The following CNTNAP2 variants were observed in gnomAD, a reference collection of about 807,000 sequenced individuals.
The protein encoded by CNTNAP2 is contactin-associated protein-like 2.
CNTNAP2 carries 98 observed loss-of-function variants against 155.2 expected under a neutral mutation model. The ratio of observed to expected loss-of-function variants is 0.63; its 90% CI spans 0.54 to 0.75. CNTNAP2 has a LOEUF of 0.75. Ranked by LOEUF, CNTNAP2 falls within the 30% of genes least tolerant of loss-of-function variation. The pLI is 0.00. For missense variants in CNTNAP2, 1,727 were observed against 1,688.1 expected, an observed-to-expected ratio of 1.02 and a Z score of -0.40; for synonymous variants, 651 against 631.2, an observed-to-expected ratio of 1.03 and a Z score of -0.47.
chr7:148,083,975 T>C (rs1029903641), intron 15 of CNTNAP2, among the ~76,000 whole-genome samples: 3 of 152,206 alleles, frequency 2.0e-5, no homozygotes, highest in African/African-American at 7.2e-5. Flanking sequence ...GATCTGACAC[T>C]CCGTAGGTGA....
intron 1 of CNTNAP2, among the ~76,000 whole-genome samples, chr7:146,190,236 A>G (rs1041373141): frequency 4.6e-4 from 70 of 152,130 alleles, no homozygotes; most frequent in Non-Finnish European, 1.0e-4. Context: ...GGCTCTGGCC[A>G]TTCTGCAAAC....
At position 146,168,502 on chromosome 7, in the gene CNTNAP2, C is replaced by T. The variant is rs538757162; in HGVS notation, c.97+51529C>T. Among the ~76,000 whole-genome samples, 3 of 152,216 alleles carry T rather than the reference C, an allele frequency of 2.0e-5. No individual in the cohort carries two copies. In the East Asian group the frequency reaches 5.8e-4, roughly 30 times the overall value. ...GTTGAAAGAGATCTTCCCAACCCTG[C>T]CCCTGTATGTACCATCCTTAGATTT... On this transcript the variant is annotated intron_variant, in intron 1 of 23. Coordinates refer to ENST00000361727, the MANE Select transcript of CNTNAP2 (RefSeq NM_014141.6).
At chr7:147,611,563 C>T (rs1450392439) in intron 12 of CNTNAP2, among the ~76,000 whole-genome samples, 1 of 152,202 alleles carries the variant, frequency 6.6e-6, no homozygotes, top group African/African-American at 2.4e-5. Context: ...CCAAATTGTT[C>T]TTCATGTGGG....
chr7:146,202,145 C>A (rs1271097262), intron 1 of CNTNAP2, among the ~76,000 whole-genome samples: 1 of 152,128 alleles, frequency 6.6e-6, no homozygotes, highest in African/African-American at 2.4e-5. Flanking sequence ...GGGCTCACAT[C>A]ACATCATGCC....
chr7:146,952,815 C>T (rs1473302549), intron 3 of CNTNAP2, among the ~76,000 whole-genome samples: 3 of 151,964 alleles, frequency 2.0e-5, no homozygotes, highest in Non-Finnish European at 2.9e-5. Flanking sequence ...CATAAGATCA[C>T]AGAGACAGAA....
At chr7:147,755,363 C>T (rs1291263719) in intron 13 of CNTNAP2, among the ~76,000 whole-genome samples, 1 of 152,168 alleles carries the variant, frequency 6.6e-6, no homozygotes, top group South Asian at 2.1e-4. Context: ...GATCCACCAG[C>T]GTTAATAGCA....
At chr7:147,131,184 A>G (rs191041559) in intron 7 of CNTNAP2, among the ~76,000 whole-genome samples, 56 of 150,902 alleles carry the variant, frequency 3.7e-4, no homozygotes, top group African/African-American at 1.3e-3. Flanking sequence ...ATACATATAC[A>G]TATACCATAC....
intron 8 of CNTNAP2, among the ~76,000 whole-genome samples, chr7:147,160,396 G>A (rs950623970): frequency 1.3e-5 from 2 of 152,022 alleles, no homozygotes; most frequent in Admixed American, 6.6e-5. Flanking sequence ...ATGTTGCTGG[G>A]AGTTTATAAT....
rs1053493992 is a variant in CNTNAP2 at position 146,997,956 on chromosome 7, G to A, written c.403-45951G>A. ...TCTTTTTTTCTTACTCTAGCTAATGGTTTGTCTACTTCATTTATCAATTCA... is the reference window on the plus strand; with the variant it reads ...TCTTTTTTTCTTACTCTAGCTAATGATTTGTCTACTTCATTTATCAATTCA... On this transcript the variant is annotated intron_variant, in intron 3 of 23. Coordinates refer to ENST00000361727, the MANE Select transcript of CNTNAP2 (RefSeq NM_014141.6). 3.9e-5 allele frequency among the ~76,000 whole-genome samples: 6 copies of A among 151,964 alleles called. No individual in the cohort carries two copies. In the East Asian group the frequency reaches 1.2e-3, roughly 29 times the overall value.
chr7:146,966,578 G>A (rs560780687), intron 3 of CNTNAP2, among the ~76,000 whole-genome samples: 1 of 152,130 alleles, frequency 6.6e-6, no homozygotes, highest in African/African-American at 2.4e-5. Flanking sequence ...ACTATTGAGG[G>A]TTTCATCCCC....
chr7:147,775,585 C>T (rs1797572644), intron 13 of CNTNAP2, among the ~76,000 whole-genome samples: 1 of 146,932 alleles, frequency 6.8e-6, no homozygotes, highest in Non-Finnish European at 1.5e-5. Flanking sequence ...TTGTGGGGAT[C>T]AGAAAAGTCA....
At chr7:146,336,730 A>T (rs1465237067) in intron 1 of CNTNAP2, among the ~76,000 whole-genome samples, 1 of 152,240 alleles carries the variant, frequency 6.6e-6, no homozygotes, top group Non-Finnish European at 1.5e-5. Flanking sequence ...GTACATCTAT[A>T]TCATGAAATA....
Position 146,797,496 on chromosome 7 carries a change from C to T in CNTNAP2, c.208+23115C>T, listed in dbSNP as rs563137999. Among the ~76,000 whole-genome samples, 3 of 152,176 alleles carry T rather than the reference C, an allele frequency of 2.0e-5. No homozygotes were observed. In the East Asian group the frequency reaches 5.8e-4, roughly 29 times the overall value. On this transcript the variant is annotated intron_variant, in intron 2 of 23. Coordinates refer to ENST00000361727, the MANE Select transcript of CNTNAP2 (RefSeq NM_014141.6). The stretch of plus-strand genomic sequence containing the variant: ...ACTATTTCACTAATAACCAAGTATG[C>T]CTTGTGGAGGATGAACTGAATTAGG...
chr7:148,208,436 T>G (rs1795490159), intron 18 of CNTNAP2, among the ~76,000 whole-genome samples: 1 of 151,562 alleles, frequency 6.6e-6, no homozygotes, highest in African/African-American at 2.4e-5. Context: ...GATGAGTGAG[T>G]ATAGAGTGTG....
intron 11 of CNTNAP2, among the ~76,000 whole-genome samples, chr7:147,542,396 T>C (rs1467455643): frequency 6.6e-6 from 1 of 152,168 alleles, no homozygotes; most frequent in Non-Finnish European, 1.5e-5. Context: ...AGAGCACCTG[T>C]TGAAATCCAA....
At chr7:147,728,186 TGTG>T (rs766299465) in intron 13 of CNTNAP2, among the ~76,000 whole-genome samples, 1 of 151,838 alleles carries the variant, frequency 6.6e-6, no homozygotes. Flanking sequence ...TGTGTGTGTG[TGTG>T]TGTGTGTGAT....
At chr7:148,348,829 G>A (rs956339941) in intron 21 of CNTNAP2, among the ~76,000 whole-genome samples, 1 of 152,242 alleles carries the variant, frequency 6.6e-6, no homozygotes, top group African/African-American at 2.4e-5. Context: ...CTACCTAATC[G>A]GATGCGAGAC....
At chr7:146,739,313 T>C (rs1436362658) in intron 1 of CNTNAP2, among the ~76,000 whole-genome samples, 1 of 151,972 alleles carries the variant, frequency 6.6e-6, no homozygotes, top group Non-Finnish European at 1.5e-5. Flanking sequence ...TTAGAATTGC[T>C]TTTGCTCTCC....
At chr7:146,190,694 T>C (rs978262056) in intron 1 of CNTNAP2, among the ~76,000 whole-genome samples, 4 of 152,204 alleles carry the variant, frequency 2.6e-5, no homozygotes, top group Non-Finnish European at 5.9e-5. Context: ...GCAGAATTGT[T>C]ACATTCCTCA....
Sources: allele counts gnomAD v4.1 joint callset (sites outside exome capture counted in the v4.1 genomes callset), GRCh38; gene constraint gnomAD v4.1.1; transcripts MANE v1.5; gene names NCBI Gene and HGNC (gene_info 2026-07-23, HGNC 2026-07-21).